The following DLG2 variants were observed in gnomAD, a reference collection of about 807,000 sequenced individuals.
DLG2 encodes disks large homolog 2.
DLG2 carries 45 observed loss-of-function variants against 132.5 expected under a neutral mutation model. The observed-to-expected ratio is 0.34, with a 90% CI of 0.27 to 0.44. The LOEUF is 0.44. Ranked by LOEUF, DLG2 falls within the 20% of genes least tolerant of loss-of-function variation. The probability of loss-of-function intolerance (pLI) is 1.00; values close to 1 mark genes in which losing one functional copy is unlikely to be tolerated. For synonymous variants in DLG2, 424 were observed against 419.6 expected (o/e 1.01, Z -0.13); for missense variants, 1,045 against 1,196.9 (o/e 0.87, Z 1.87).
At chr11:84,340,752 G>A (rs1277984929) in intron 7 of DLG2, among the ~76,000 whole-genome samples, 1 of 152,084 alleles carries the variant, frequency 6.6e-6, no homozygotes, top group African/African-American at 2.4e-5. Context: ...TAACTTCAGG[G>A]TAATTAGCAT....
chr11:83,980,591 T>C lies in DLG2; in HGVS notation c.971A>G (p.Asp324Gly). 1 of 1,613,634 alleles carries C rather than the reference T, an allele frequency of 6.2e-7. No individual in the cohort carries two copies. The highest frequency in any genetic ancestry group is 8.5e-7 in the Non-Finnish European group (1 of 1,179,770). The change falls in exon 12 of 28, where the codon GAC becomes GGC. Residue 324 changes from aspartate (D) to glycine (G), a missense_variant. This residue lies in a region of DLG2 where 109 missense variants were observed against 159.1 expected (regional missense o/e 0.69). Coordinates refer to ENST00000376104, the MANE Select transcript of DLG2 (RefSeq NM_001142699.3). ...AATTTTAGTTACATAAATGCTGTTG[T>C]CTCCAGGAATGTGTTGGTTCCCCAC... ...GGVGNQHIPG[D>G]NSIYVTKIID...
intron 19 of DLG2, among the ~76,000 whole-genome samples, chr11:83,554,261 T>A (rs1440676510): frequency 6.6e-6 from 1 of 152,186 alleles, no homozygotes; most frequent in African/African-American, 2.4e-5. Context: ...CATCCATACA[T>A]CCACTCATTA....
At chr11:84,481,843 A>G (rs1323497453) in intron 7 of DLG2, among the ~76,000 whole-genome samples, 1 of 152,192 alleles carries the variant, frequency 6.6e-6, no homozygotes, top group East Asian at 1.9e-4. Context: ...CTCAGTGTGT[A>G]GTAACATGAA....
At chr11:83,671,865 T>C (rs1249895706) in intron 18 of DLG2, among the ~76,000 whole-genome samples, 8 of 152,218 alleles carry the variant, frequency 5.3e-5, no homozygotes, top group Non-Finnish European at 1.0e-4. Flanking sequence ...AATCTCCAAT[T>C]GTCTCATTGT....
intron 6 of DLG2, among the ~76,000 whole-genome samples, chr11:84,963,428 C>T (rs905345380): frequency 6.7e-6 from 1 of 150,240 alleles, no homozygotes; most frequent in Non-Finnish European, 1.5e-5. Context: ...CCCATTTGCC[C>T]ACTCTATAGA....
chr11:85,383,281 G>A (rs980720942), intron 3 of DLG2, among the ~76,000 whole-genome samples: 1 of 152,122 alleles, frequency 6.6e-6, no homozygotes, highest in Non-Finnish European at 1.5e-5. Flanking sequence ...CACATGTACA[G>A]AAAGTAGATT....
intron 18 of DLG2, among the ~76,000 whole-genome samples, chr11:83,711,684 G>A (rs1035232520): frequency 2.0e-5 from 3 of 152,186 alleles, no homozygotes; most frequent in African/African-American, 4.8e-5. Flanking sequence ...CACTGTGCAA[G>A]TATCATGTCT....
chr11:85,426,231 A>T (rs2090722192), intron 3 of DLG2, among the ~76,000 whole-genome samples: 1 of 152,182 alleles, frequency 6.6e-6, no homozygotes, highest in Admixed American at 6.5e-5. Flanking sequence ...GCCAAACAAA[A>T]TCCTCTGCAG....
At chr11:83,588,389 A>C (rs377416829) in intron 19 of DLG2, among the ~76,000 whole-genome samples, 1 of 151,762 alleles carries the variant, frequency 6.6e-6, no homozygotes, top group Admixed American at 6.6e-5. Context: ...CACCTCACAC[A>C]GCAGGGTATT....
chr11:85,617,349 C>T (rs1208404327), intron 2 of DLG2, among the ~76,000 whole-genome samples: 1 of 152,240 alleles, frequency 6.6e-6, no homozygotes, highest in Non-Finnish European at 1.5e-5. Flanking sequence ...TGGTAAACTT[C>T]TATTCATCTT....
intron 8 of DLG2, among the ~76,000 whole-genome samples, chr11:84,243,569 C>T (rs61899190): frequency 0.02 from 3,121 of 152,288 alleles, 45 homozygotes; most frequent in Non-Finnish European, 0.031. Context: ...AATATGCATA[C>T]AAATCACTGA....
At chr11:84,130,256 T>TA (rs1025585888) in intron 9 of DLG2, among the ~76,000 whole-genome samples, 2 of 151,914 alleles carry the variant, frequency 1.3e-5, no homozygotes, top group Non-Finnish European at 1.5e-5. Flanking sequence ...ATGACGTTCT[T>TA]AAAAAAATCA....
chr11:83,700,346 A>C (rs1373068923), intron 18 of DLG2, among the ~76,000 whole-genome samples: 1 of 152,160 alleles, frequency 6.6e-6, no homozygotes, highest in African/African-American at 2.4e-5. Flanking sequence ...TAGGAGGCTG[A>C]CTGCTGGGGC....
chr11:84,728,155 C>A (rs1313031203), intron 6 of DLG2, among the ~76,000 whole-genome samples: 1 of 152,144 alleles, frequency 6.6e-6, no homozygotes, highest in African/African-American at 2.4e-5. Flanking sequence ...AGAGGGCATC[C>A]TTGTCTTGTG....
At chr11:83,492,555 C>A (rs1013639039) in intron 21 of DLG2, among the ~76,000 whole-genome samples, 31 of 152,108 alleles carry the variant, frequency 2.0e-4, no homozygotes, top group African/African-American at 7.0e-4. Context: ...TCAAACCAAA[C>A]ACGTGGTCTT....
chr11:85,183,158 T>C (rs987019807), intron 4 of DLG2, among the ~76,000 whole-genome samples: 5 of 151,846 alleles, frequency 3.3e-5, no homozygotes, highest in African/African-American at 9.7e-5. Flanking sequence ...GCATTTACCT[T>C]ACTGTCTGAA....
chr11:84,502,562 A>C (rs1015593718), intron 7 of DLG2, among the ~76,000 whole-genome samples: 2 of 150,892 alleles, frequency 1.3e-5, no homozygotes, highest in Non-Finnish European at 1.5e-5. Flanking sequence ...TACCTGGCTA[A>C]TTTTTTGTAT....
intron 8 of DLG2, among the ~76,000 whole-genome samples, chr11:84,180,434 A>T (rs1035193711): frequency 6.6e-6 from 1 of 152,150 alleles, no homozygotes; most frequent in Non-Finnish European, 1.5e-5. Context: ...GAAGGAGACA[A>T]AACAGAGAAA....
chr11:84,214,579 C>T lies in DLG2; in HGVS notation c.573+36659G>A, dbSNP rs143355243. Among the ~76,000 whole-genome samples the T allele has an allele frequency of 7.2e-4, 109 of 151,966 alleles. 1 individual carries two copies. Among genetic ancestry groups the T allele is most frequent in the Middle Eastern group, 3.4e-3 (1 of 292 alleles). On this transcript the variant is annotated intron_variant, in intron 8 of 27. Transcript: ENST00000376104. ...ATGAAGAAATAATCTTGGAAAATTA[C>T]GTAAAATTAAATTTAGCCAGATTGC...
Sources: allele counts gnomAD v4.1 joint callset (sites outside exome capture counted in the v4.1 genomes callset), GRCh38; gene constraint gnomAD v4.1.1; regional missense constraint gnomAD v4.1.1; transcripts MANE v1.5; gene names NCBI Gene and HGNC (gene_info 2026-07-23, HGNC 2026-07-21).